LRRFIP2: variants seen among roughly 807,000 people sequenced by gnomAD.
LRRFIP2 encodes the protein leucine-rich repeat flightless-interacting protein 2.
LRRFIP2 carries 109 observed loss-of-function variants against 125.9 expected under a neutral mutation model. The ratio of observed to expected loss-of-function variants is 0.87; its 90% CI spans 0.74 to 1.01. The LOEUF (loss-of-function observed/expected upper bound fraction) is 1.01, where lower values mean the gene tolerates loss of function less well. Among genes scored for constraint, LRRFIP2 ranks in the 50% least tolerant of loss-of-function variants. The pLI is 0.00. For missense variants in LRRFIP2, 850 were observed against 862.3 expected (o/e 0.99, Z 0.18); for synonymous variants, 291 against 293.1 (o/e 0.99, Z 0.07).
chr3:37,172,387 G>A (rs1048744443), intron 1 of LRRFIP2, among the ~76,000 whole-genome samples: 2 of 152,136 alleles, frequency 1.3e-5, no homozygotes, highest in Non-Finnish European at 2.9e-5. Context: ...AATACAAAAA[G>A]ATCTTCATAT....
At position 37,127,612 on chromosome 3, in the gene LRRFIP2, C is replaced by G. The variant is rs754661548; in HGVS notation, c.228+18G>C. 1.9e-6 allele frequency: 3 copies of G among 1,611,312 alleles called. No homozygotes were observed. In the African/African-American group the frequency reaches 4.0e-5, roughly 22 times the overall value. ...CAGCAATTGATCACAACATGCAGGA[C>G]AGGCAATACTGGCCTACCAGCCACT... On this transcript the variant is annotated intron_variant, in intron 4 of 27. Transcript: ENST00000336686.
intron 19 of LRRFIP2, among the ~76,000 whole-genome samples, chr3:37,078,889 G>T (rs1252838136): frequency 6.6e-6 from 1 of 151,900 alleles, no homozygotes; most frequent in South Asian, 2.1e-4. Flanking sequence ...GCCAAAGATG[G>T]GACAATTTTA....
chr3:37,121,175 T>C (rs2095022183), intron 6 of LRRFIP2, among the ~76,000 whole-genome samples: 1 of 152,184 alleles, frequency 6.6e-6, no homozygotes, highest in Non-Finnish European at 1.5e-5. Context: ...GTCTGAAAGT[T>C]AGAACCAAAC....
At chr3:37,104,632 G>A (rs936032517) in intron 14 of LRRFIP2, among the ~76,000 whole-genome samples, 3 of 151,874 alleles carry the variant, frequency 2.0e-5, no homozygotes, top group Non-Finnish European at 2.9e-5. Flanking sequence ...CATACCATCC[G>A]GAACAATGTA....
chr3:37,116,775 C>T (rs2094808099), intron 6 of LRRFIP2, among the ~76,000 whole-genome samples: 1 of 152,012 alleles, frequency 6.6e-6, no homozygotes, highest in African/African-American at 2.4e-5. Flanking sequence ...AAAAACATTG[C>T]AGAAACCTCA....
Position 37,153,944 on chromosome 3 carries a change from G to A in LRRFIP2, c.-55-4906C>T, listed in dbSNP as rs908158971. Among the ~76,000 whole-genome samples, 3 of 151,198 alleles carry A rather than the reference G, an allele frequency of 2.0e-5. No homozygotes were observed. In the Admixed American group the frequency reaches 2.0e-4, roughly 10 times the overall value. ...AAAAGAACTGTATTATTTGGACCCT[G>A]TAGGCAGATTTCCTTACCAATATTA... On this transcript the variant is annotated intron_variant, in intron 1 of 27. Coordinates refer to ENST00000336686, the MANE Select transcript of LRRFIP2 (RefSeq NM_006309.4).
At chr3:37,160,443 G>A (rs1425178377) in intron 1 of LRRFIP2, among the ~76,000 whole-genome samples, 1 of 151,968 alleles carries the variant, frequency 6.6e-6, no homozygotes, top group African/African-American at 2.4e-5. Flanking sequence ...GAAAATTAAG[G>A]CAAATTATAG....
At chr3:37,119,134 G>C (rs907396826) in intron 6 of LRRFIP2, among the ~76,000 whole-genome samples, 1 of 152,134 alleles carries the variant, frequency 6.6e-6, no homozygotes, top group Non-Finnish European at 1.5e-5. Flanking sequence ...CTCACAGAGA[G>C]TAATGTACTA....
intron 21 of LRRFIP2, chr3:37,066,542 G>T (rs1374255015): frequency 4.0e-6 from 2 of 500,122 alleles, no homozygotes; most frequent in Non-Finnish European, 7.3e-6. Context: ...TGGTTCTCAT[G>T]CATCAATTTG....
chr3:37,083,250 T>C (rs868388127), intron 19 of LRRFIP2, among the ~76,000 whole-genome samples: 16 of 152,208 alleles, frequency 1.1e-4, no homozygotes, highest in Admixed American at 3.9e-4. Context: ...TCTTGAACCG[T>C]TCAGAAGTTC....
chr3:37,058,751 T>C, intron 25 of LRRFIP2, 39 bp downstream of exon 25: 2 of 1,611,778 alleles, frequency 1.2e-6, no homozygotes, highest in East Asian at 2.2e-5. Flanking sequence ...GGACACAGTC[T>C]ATATACAGAC....
Position 37,068,102 on chromosome 3 carries a change from G to C in LRRFIP2, c.1465-1777C>G, listed in dbSNP as rs574338272. On this transcript the variant is annotated intron_variant, in intron 21 of 27. Transcript: ENST00000336686. The stretch of plus-strand genomic sequence containing the variant: ...CAATGTGCATTTCTAGCACCATCTA[G>C]CTAGTGTTAACACTCCATTATGTTA... 4.6e-5 allele frequency: 7 copies of C among 152,302 alleles called. No homozygotes were observed. In the South Asian group the frequency reaches 1.5e-3, roughly 32 times the overall value. 9.4% of individuals were successfully genotyped at this position (152,302 alleles called of 1,614,324 possible). A position where few individuals can be genotyped will look rare whatever the true frequency, so the allele number is the denominator to read the frequency against.
Position 37,138,339 on chromosome 3 carries a change from T to G in LRRFIP2, c.91-9190A>C, listed in dbSNP as rs528832398. On this transcript the variant is annotated intron_variant, in intron 2 of 27. Coordinates refer to ENST00000336686, the MANE Select transcript of LRRFIP2 (RefSeq NM_006309.4). ...CATGTGAGGCCAATCAATCGTATTC[T>G]AAATTTTCCATCCATCCAATGGGTC... Among the ~76,000 whole-genome samples, 6 of 152,344 alleles carry G rather than the reference T, an allele frequency of 3.9e-5. No homozygotes were observed. The East Asian group carries it at 1.2e-3, about 29-fold the overall frequency.
intron 2 of LRRFIP2, among the ~76,000 whole-genome samples, chr3:37,136,983 G>A (rs1376375555): frequency 8.9e-6 from 1 of 112,208 alleles, no homozygotes; most frequent in South Asian, 3.5e-4. Context: ...TGGGGGGGGG[G>A]CGGGGACAGG....
intron 20 of LRRFIP2, 90 bp downstream of exon 20, chr3:37,074,934 A>T: frequency 1.2e-6 from 1 of 831,776 alleles, no homozygotes; most frequent in Non-Finnish European, 2.0e-6. Flanking sequence ...ACTCTGATGC[A>T]TCTTAACTCT....
intron 1 of LRRFIP2, among the ~76,000 whole-genome samples, chr3:37,150,181 C>T (rs934671994): frequency 6.6e-6 from 1 of 152,006 alleles, no homozygotes; most frequent in Non-Finnish European, 1.5e-5. Context: ...AAGAATATAT[C>T]GCCAGGCGCG....
Position 37,063,965 on chromosome 3 carries a change from A to C in LRRFIP2, c.1700-174T>G, listed in dbSNP as rs192033103. 8.3e-4 allele frequency: 470 copies of C among 565,064 alleles called. 8 individuals carry two copies. The Admixed American group carries it at 0.012, about 15-fold the overall frequency. 35.0% of individuals were successfully genotyped at this position (565,064 alleles called of 1,614,324 possible). On this transcript the variant is annotated intron_variant, in intron 23 of 27. Transcript: ENST00000336686. Reference sequence around the variant, plus strand: ...TAGCATTACAGAAAAGTTCTTAACTATCTAAAAAGTATTTCCACACAACTG... The same window carrying C: ...TAGCATTACAGAAAAGTTCTTAACTCTCTAAAAAGTATTTCCACACAACTG...
chr3:37,121,047 G>T (rs1365834716), intron 6 of LRRFIP2, among the ~76,000 whole-genome samples: 1 of 152,090 alleles, frequency 6.6e-6, no homozygotes, highest in Non-Finnish European at 1.5e-5. Flanking sequence ...TACATATTCA[G>T]AGAACTTTTC....
intron 3 of LRRFIP2, among the ~76,000 whole-genome samples, chr3:37,128,722 T>C (rs1378474841): frequency 2.0e-5 from 3 of 152,212 alleles, no homozygotes; most frequent in Non-Finnish European, 4.4e-5. Context: ...AGTGTTTTAC[T>C]ATATAGATAT....
Sources: gnomAD v4.1 joint callset for allele counts (sites outside exome capture counted in the v4.1 genomes callset) on GRCh38, gnomAD v4.1.1 for gene constraint, MANE v1.5 for transcripts, NCBI Gene and HGNC (gene_info 2026-07-23, HGNC 2026-07-21) for gene names.